CAMK1D: variants seen among roughly 807,000 people sequenced by gnomAD.
CAMK1D encodes calcium/calmodulin dependent protein kinase ID, also known as calcium/calmodulin-dependent protein kinase type 1D.
CAMK1D carries 9 observed loss-of-function variants against 47.7 expected under a neutral mutation model. The observed-to-expected ratio is 0.19, with a 90% CI of 0.11 to 0.33. The LOEUF is 0.33. Ranked by LOEUF, CAMK1D falls within the 10% of genes least tolerant of loss-of-function variation. CAMK1D has a pLI of 1.00. For synonymous variants in CAMK1D, 184 were observed against 184.9 expected (o/e 0.99, Z 0.04); for missense variants, 291 against 488.7 (o/e 0.60, Z 3.81).
chr10:12,414,545 C>T (rs1364130350), intron 1 of CAMK1D, among the ~76,000 whole-genome samples: 1 of 152,146 alleles, frequency 6.6e-6, no homozygotes, highest in African/African-American at 2.4e-5. Context: ...AAGCATTTTG[C>T]ATTTTTCAAA....
chr10:12,763,621 G>C (rs1339762112), intron 4 of CAMK1D, among the ~76,000 whole-genome samples: 3 of 152,162 alleles, frequency 2.0e-5, no homozygotes. Context: ...GTCTGGAATT[G>C]TTAACAGCTA....
intron 1 of CAMK1D, among the ~76,000 whole-genome samples, chr10:12,513,134 G>A (rs1489554157): frequency 1.3e-5 from 2 of 152,156 alleles, no homozygotes; most frequent in Non-Finnish European, 2.9e-5. Flanking sequence ...GCCTAGCCAG[G>A]TGTTTTGCTG....
Position 12,834,051 on chromosome 10 carries a change from G to C in CAMK1D, c.*5164G>C, listed in dbSNP as rs1216391914. 3 of 152,126 alleles carry C rather than the reference G, an allele frequency of 2.0e-5. No individual in the cohort carries two copies. Among genetic ancestry groups the C allele is most frequent in the African/African-American group, 7.2e-5 (3 of 41,426 alleles). The allele number at this position is 152,126 out of a possible 1,614,324, so 9.4% of individuals were successfully genotyped here. On this transcript the variant is annotated 3_prime_UTR_variant, in exon 11 of 11. Transcript: ENST00000619168. Reference sequence around the variant, plus strand: ...AGATATTCCAGTCTTTCGATGTTCAGAATTGAAAATGTGGAGATAGAAAAG... The same window carrying C: ...AGATATTCCAGTCTTTCGATGTTCACAATTGAAAATGTGGAGATAGAAAAG...
At chr10:12,476,112 T>G (rs928881833) in intron 1 of CAMK1D, among the ~76,000 whole-genome samples, 1 of 151,606 alleles carries the variant, frequency 6.6e-6, no homozygotes, top group Non-Finnish European at 1.5e-5. Flanking sequence ...ACCAACATGG[T>G]GAAACCCCAT....
chr10:12,413,053 G>C (rs916461300), intron 1 of CAMK1D, among the ~76,000 whole-genome samples: 1 of 152,184 alleles, frequency 6.6e-6, no homozygotes, highest in African/African-American at 2.4e-5. Context: ...TTCTTGCATT[G>C]TTCTAAAGAA....
At chr10:12,451,910 G>A (rs917149891) in intron 1 of CAMK1D, among the ~76,000 whole-genome samples, 5 of 152,120 alleles carry the variant, frequency 3.3e-5, no homozygotes, top group Admixed American at 6.5e-5. Flanking sequence ...TTCGACCACC[G>A]GGGTCCCAGG....
At chr10:12,583,565 C>T (rs576628010) in intron 2 of CAMK1D, among the ~76,000 whole-genome samples, 5 of 150,752 alleles carry the variant, frequency 3.3e-5, no homozygotes, top group South Asian at 2.1e-4. Flanking sequence ...TCCCCTTTGA[C>T]GTTTCTTTGG....
At position 12,460,573 on chromosome 10, in the gene CAMK1D, C is replaced by T. The variant is rs965387516; in HGVS notation, c.93-92652C>T. Among the ~76,000 whole-genome samples, 6 of 152,272 alleles carry T rather than the reference C, an allele frequency of 3.9e-5. No homozygotes were observed. The East Asian group carries it at 1.2e-3, about 29-fold the overall frequency. On this transcript the variant is annotated intron_variant, in intron 1 of 10. Transcript: ENST00000619168. ...TCAGCCTCCTGAGTAGCTGGGACTACAGGCGCCTGCCACCACACCTGGCTA... is the reference window on the plus strand; with the variant it reads ...TCAGCCTCCTGAGTAGCTGGGACTATAGGCGCCTGCCACCACACCTGGCTA...
intron 3 of CAMK1D, among the ~76,000 whole-genome samples, chr10:12,691,944 A>G (rs1832948606): frequency 6.6e-6 from 1 of 152,174 alleles, no homozygotes; most frequent in African/African-American, 2.4e-5. Flanking sequence ...GCCAGCAACA[A>G]TGAAGGCAAG....
chr10:12,696,404 G>A (rs1214053265), intron 3 of CAMK1D, among the ~76,000 whole-genome samples: 1 of 152,134 alleles, frequency 6.6e-6, no homozygotes, highest in Non-Finnish European at 1.5e-5. Flanking sequence ...GGGCATGGTG[G>A]CGTGCACCTG....
At chr10:12,768,380 A>G (rs1026559285) in intron 4 of CAMK1D, among the ~76,000 whole-genome samples, 1 of 152,200 alleles carries the variant, frequency 6.6e-6, no homozygotes, top group Non-Finnish European at 1.5e-5. Context: ...CTACATAAGA[A>G]TAGTTTCTAA....
At chr10:12,680,160 G>A (rs74877662) in intron 3 of CAMK1D, among the ~76,000 whole-genome samples, 2,744 of 152,296 alleles carry the variant, frequency 0.018, 99 homozygotes, top group African/African-American at 0.063. Flanking sequence ...TAGTGTTCCC[G>A]TTTGGAAGAT....
intron 2 of CAMK1D, among the ~76,000 whole-genome samples, chr10:12,643,673 C>G (rs1839730100): frequency 1.3e-5 from 2 of 152,040 alleles, no homozygotes; most frequent in Admixed American, 6.5e-5. Flanking sequence ...CACTTGAGGT[C>G]AGGAGTTCAA....
chr10:12,722,981 G>A (rs1238933995), intron 3 of CAMK1D, among the ~76,000 whole-genome samples: 2 of 152,114 alleles, frequency 1.3e-5, no homozygotes, highest in Non-Finnish European at 2.9e-5. Context: ...GGTGTGGGCT[G>A]GAATTTGAGT....
chr10:12,636,625 G>A (rs773191664), intron 2 of CAMK1D, among the ~76,000 whole-genome samples: 4 of 152,136 alleles, frequency 2.6e-5, no homozygotes, highest in Non-Finnish European at 4.4e-5. Context: ...ACTGTGCCTG[G>A]CCTTATATGC....
intron 1 of CAMK1D, among the ~76,000 whole-genome samples, chr10:12,424,878 A>G (rs150166359): frequency 6.6e-6 from 1 of 152,276 alleles, no homozygotes; most frequent in Non-Finnish European, 1.5e-5. Flanking sequence ...TCCCTCTTGC[A>G]TCATCTAATA....
At chr10:12,368,583 C>A (rs1030487103) in intron 1 of CAMK1D, among the ~76,000 whole-genome samples, 6 of 151,954 alleles carry the variant, frequency 3.9e-5, no homozygotes. Context: ...GGTAACAGTA[C>A]CTACCTTTCC....
chr10:12,798,839 G>T (rs1588942182), intron 6 of CAMK1D, among the ~76,000 whole-genome samples: 2 of 152,176 alleles, frequency 1.3e-5, no homozygotes, highest in Non-Finnish European at 2.9e-5. Flanking sequence ...CCCCTAGCAG[G>T]ACACTGTGCA....
At chr10:12,816,180 C>A in intron 7 of CAMK1D, 70 bp from the exon 8 acceptor site, 1 of 1,271,152 alleles carries the variant, frequency 7.9e-7, no homozygotes, top group Admixed American at 1.7e-5. Context: ...TCCTGAAGAC[C>A]TGGTGGGATC....
Sources: allele counts gnomAD v4.1 joint callset (sites outside exome capture counted in the v4.1 genomes callset), GRCh38; gene constraint gnomAD v4.1.1; transcripts MANE v1.5; gene names NCBI Gene and HGNC (gene_info 2026-07-23, HGNC 2026-07-21).